The following ADGRL2 variants were observed in gnomAD, a reference collection of about 807,000 sequenced individuals.
ADGRL2 encodes calcium-independent alpha-latrotoxin receptor 2.
In ADGRL2, 44 loss-of-function variants were observed where a neutral mutation model predicts 157.4. The observed-to-expected ratio is 0.28, with a 90% CI of 0.22 to 0.36. ADGRL2 has a LOEUF of 0.36. Among genes scored for constraint, ADGRL2 ranks in the 10% least tolerant of loss-of-function variants. The probability of loss-of-function intolerance (pLI) is 1.00; values close to 1 mark genes in which losing one functional copy is unlikely to be tolerated. For missense variants in ADGRL2, 1,510 were observed against 1,768.9 expected (o/e 0.85, Z 2.63); for synonymous variants, 585 against 624.7 (o/e 0.94, Z 0.95).
chr1:81,684,277 G>A (rs1456467265), intron 3 of ADGRL2, among the ~76,000 whole-genome samples: 2 of 152,104 alleles, frequency 1.3e-5, no homozygotes, highest in African/African-American at 2.4e-5. Context: ...CCTGATCACC[G>A]TATCCACATC....
chr1:81,530,400 G>A (rs2079568823), intron 2 of ADGRL2, among the ~76,000 whole-genome samples: 1 of 148,220 alleles, frequency 6.7e-6, no homozygotes, highest in Non-Finnish European at 1.5e-5. Flanking sequence ...AGGCTGGAGT[G>A]CAGAGGCAGT....
chr1:81,314,155 T>C (rs1171249013), intron 1 of ADGRL2, among the ~76,000 whole-genome samples: 2 of 152,270 alleles, frequency 1.3e-5, no homozygotes, highest in East Asian at 3.9e-4. Flanking sequence ...CCAGGTACTG[T>C]TTGGTGCGGT....
chr1:81,471,315 T>C (rs2078167307), intron 2 of ADGRL2, among the ~76,000 whole-genome samples: 1 of 152,208 alleles, frequency 6.6e-6, no homozygotes, highest in African/African-American at 2.4e-5. Context: ...TGTCAATACC[T>C]TAGCATTATT....
chr1:81,806,523 A>G (rs915033273), intron 1 of ADGRL2, among the ~76,000 whole-genome samples: 1 of 152,194 alleles, frequency 6.6e-6, no homozygotes, highest in Non-Finnish European at 1.5e-5. Flanking sequence ...GTATCTTAAT[A>G]TAAGAATATG....
In ADGRL2 at chr1:81,561,563, C is replaced by T. The variant is rs150847811; in HGVS notation, c.-247-19313C>T. Among the ~76,000 whole-genome samples the T allele has an allele frequency of 2.9e-3, 434 of 151,052 alleles. 3 individuals carry two copies. Among genetic ancestry groups the T allele is most frequent in the African/African-American group, 9.7e-3 (400 of 41,130 alleles). ...GCAACCACAATCTCCCGGGTTCAAG[C>T]GATTCTCCCATCTCAGCCTCCAGAA... On this transcript the variant is annotated intron_variant, in intron 2 of 24. Transcript: ENST00000370721.
chr1:81,670,396 C>T (rs998477895), intron 3 of ADGRL2, among the ~76,000 whole-genome samples: 1 of 152,112 alleles, frequency 6.6e-6, no homozygotes, highest in Admixed American at 6.5e-5. Flanking sequence ...TGTAGAACTC[C>T]CACTGATGGC....
Position 81,773,096 on chromosome 1 carries a change from C to T in ADGRL2, c.-101+11244C>T, listed in dbSNP as rs936857713. Among the ~76,000 whole-genome samples the T allele has an allele frequency of 5.3e-5, 8 of 152,288 alleles. No homozygotes were observed. The South Asian group carries it at 1.2e-3, about 24-fold the overall frequency. On this transcript the variant is annotated intron_variant, in intron 2 of 20. Coordinates refer to the ADGRL2 transcript ENST00000359929. ...GGGCCAAAGCTGAGCTAATTGTAGT[C>T]TGTCCCTATAATTTTTTAAACTGGA...
intron 1 of ADGRL2, among the ~76,000 whole-genome samples, chr1:81,807,784 G>A (rs1248594517): frequency 1.3e-5 from 2 of 151,706 alleles, no homozygotes; most frequent in South Asian, 2.1e-4. Context: ...TTTGATGTAA[G>A]TATTTTTGTG....
At chr1:81,758,986 C>T (rs1329590068) in intron 1 of ADGRL2, among the ~76,000 whole-genome samples, 1 of 152,030 alleles carries the variant, frequency 6.6e-6, no homozygotes. Flanking sequence ...TACAGGGCTT[C>T]CAAACTGTAT....
intron 2 of ADGRL2, among the ~76,000 whole-genome samples, chr1:81,889,566 CAT>C (rs2094210352): frequency 1.4e-5 from 2 of 143,646 alleles, no homozygotes; most frequent in South Asian, 2.2e-4. Context: ...GTTCCCATAA[CAT>C]AGAAGTGGGA....
chr1:81,638,243 A>G (rs2082150960), intron 3 of ADGRL2, among the ~76,000 whole-genome samples: 1 of 152,216 alleles, frequency 6.6e-6, no homozygotes, highest in South Asian at 2.1e-4. Context: ...ACAATAATAG[A>G]AGGAAATTGT....
intron 3 of ADGRL2, among the ~76,000 whole-genome samples, chr1:81,929,016 A>G (rs2095170915): frequency 2.6e-5 from 4 of 152,208 alleles, no homozygotes; most frequent in Admixed American, 2.6e-4. Context: ...CAGACTCAAT[A>G]AAGGATTGAA....
intron 2 of ADGRL2, among the ~76,000 whole-genome samples, chr1:81,858,686 G>C (rs1446128107): frequency 2.0e-5 from 3 of 152,050 alleles, no homozygotes; most frequent in East Asian, 3.9e-4. Flanking sequence ...ACTTCCGTCA[G>C]GGACTGTGAA....
intron 2 of ADGRL2, among the ~76,000 whole-genome samples, chr1:81,849,031 CAA>C (rs2092906942): frequency 6.6e-6 from 1 of 151,896 alleles, no homozygotes. Context: ...TAGAGGTAAG[CAA>C]ATAGCAACCA....
chr1:81,534,690 T>C (rs1380876512), intron 2 of ADGRL2, among the ~76,000 whole-genome samples: 1 of 152,220 alleles, frequency 6.6e-6, no homozygotes, highest in East Asian at 1.9e-4. Context: ...CAAGGTTTTC[T>C]GATTCTTGAA....
intron 2 of ADGRL2, among the ~76,000 whole-genome samples, chr1:81,874,666 T>C (rs2093787998): frequency 6.6e-6 from 1 of 151,578 alleles, no homozygotes; most frequent in African/African-American, 2.4e-5. Flanking sequence ...TGTCCTGTCC[T>C]GTCCTGTCAT....
chr1:81,499,558 G>A (rs1415674908), intron 2 of ADGRL2, among the ~76,000 whole-genome samples: 12 of 152,308 alleles, frequency 7.9e-5, no homozygotes, highest in East Asian at 1.9e-4. Context: ...CAAAGGTAAC[G>A]TTTCATCATT....
chr1:81,687,683 T>C (rs1400208704), intron 3 of ADGRL2, among the ~76,000 whole-genome samples: 2 of 152,236 alleles, frequency 1.3e-5, no homozygotes, highest in Non-Finnish European at 2.9e-5. Context: ...CATTGTGCTC[T>C]TTGTTGCCTG....
chr1:81,325,560 A>T (rs1660840507), intron 1 of ADGRL2, among the ~76,000 whole-genome samples: 1 of 152,210 alleles, frequency 6.6e-6, no homozygotes, highest in South Asian at 2.1e-4. Flanking sequence ...TTGGCTATTT[A>T]CCAAAACATG....
Sources: allele counts gnomAD v4.1 joint callset (sites outside exome capture counted in the v4.1 genomes callset), GRCh38; gene constraint gnomAD v4.1.1; transcripts MANE v1.5; gene names NCBI Gene and HGNC (gene_info 2026-07-23, HGNC 2026-07-21).